SLIT3: variants seen among roughly 807,000 people sequenced by gnomAD.
The protein encoded by SLIT3 is slit guidance ligand 3.
Under a neutral mutation model 184.0 loss-of-function variants are expected in SLIT3, and 68 were observed. The ratio of observed to expected loss-of-function variants is 0.37; its 90% CI spans 0.30 to 0.45. The LOEUF is 0.45. Ranked by LOEUF, SLIT3 falls within the 20% of genes least tolerant of loss-of-function variation. SLIT3 has a pLI of 1.00. For synonymous variants in SLIT3, 831 were observed against 828.6 expected (o/e 1.00, Z -0.05); for missense variants, 1,707 against 2,026.0 (o/e 0.84, Z 3.02).
At chr5:169,023,321 C>T (rs945927967) in intron 4 of SLIT3, among the ~76,000 whole-genome samples, 1 of 152,016 alleles carries the variant, frequency 6.6e-6, no homozygotes, top group Admixed American at 6.6e-5. Context: ...TCCTCTGTTA[C>T]TTGAAAAATA....
intron 4 of SLIT3, among the ~76,000 whole-genome samples, chr5:169,172,363 C>T (rs1347924073): frequency 6.6e-6 from 1 of 152,186 alleles, no homozygotes; most frequent in East Asian, 1.9e-4. Context: ...TTTCTTAACA[C>T]CAGTCCTATA....
chr5:168,814,449 C>T (rs1358701168), intron 8 of SLIT3, among the ~76,000 whole-genome samples: 1 of 152,018 alleles, frequency 6.6e-6, no homozygotes, highest in Admixed American at 6.5e-5. Flanking sequence ...ATAGACAGGT[C>T]CATACAAAAC....
intron 4 of SLIT3, among the ~76,000 whole-genome samples, chr5:169,049,516 T>G (rs1202671833): frequency 1.3e-5 from 2 of 152,184 alleles, no homozygotes; most frequent in Non-Finnish European, 2.9e-5. Context: ...GACCAACCAG[T>G]GACAGCAGTG....
intron 3 of SLIT3, among the ~76,000 whole-genome samples, chr5:169,196,542 A>G (rs377597953): frequency 4.6e-5 from 7 of 152,204 alleles, no homozygotes; most frequent in East Asian, 3.9e-4. Flanking sequence ...CACAGGCAGG[A>G]TCATAACTGC....
chr5:168,855,113 C>A (rs1257615867), intron 5 of SLIT3, among the ~76,000 whole-genome samples: 1 of 152,140 alleles, frequency 6.6e-6, no homozygotes, highest in Non-Finnish European at 1.5e-5. Context: ...GTACCTGGCC[C>A]ACAGTGCCTG....
intron 4 of SLIT3, among the ~76,000 whole-genome samples, chr5:168,962,647 G>A (rs1054542876): frequency 1.3e-5 from 2 of 152,178 alleles, no homozygotes; most frequent in African/African-American, 4.8e-5. Context: ...GTCCCACTGA[G>A]GCCCCCCAGG....
intron 4 of SLIT3, among the ~76,000 whole-genome samples, chr5:169,000,209 T>C (rs1454608636): frequency 6.6e-6 from 1 of 151,838 alleles, no homozygotes; most frequent in Non-Finnish European, 1.5e-5. Flanking sequence ...CTGGCCAACA[T>C]GGTGAAACCT....
At chr5:169,293,073 C>A (rs898643671) in intron 1 of SLIT3, among the ~76,000 whole-genome samples, 1 of 152,162 alleles carries the variant, frequency 6.6e-6, no homozygotes, top group Non-Finnish European at 1.5e-5. Flanking sequence ...GGATGGAGTA[C>A]GAGGCCTATG....
chr5:169,098,855 C>T (rs905231904), intron 4 of SLIT3, among the ~76,000 whole-genome samples: 2 of 152,084 alleles, frequency 1.3e-5, no homozygotes, highest in Non-Finnish European at 2.9e-5. Flanking sequence ...CTTGAGAAGC[C>T]GGAGGAATTC....
chr5:169,044,967 A>C (rs1757578325), intron 4 of SLIT3, among the ~76,000 whole-genome samples: 1 of 152,176 alleles, frequency 6.6e-6, no homozygotes, highest in Admixed American at 6.5e-5. Flanking sequence ...CTCTCTGAAG[A>C]AGCAGCCTTC....
chr5:168,978,885 C>T (rs1248465545), intron 4 of SLIT3, among the ~76,000 whole-genome samples: 2 of 148,678 alleles, frequency 1.3e-5, no homozygotes, highest in Non-Finnish European at 3.0e-5. Flanking sequence ...GTGCTGTCAT[C>T]CACCTTAATG....
intron 4 of SLIT3, among the ~76,000 whole-genome samples, chr5:169,084,602 C>T (rs1581392234): frequency 6.6e-6 from 1 of 152,230 alleles, no homozygotes; most frequent in South Asian, 2.1e-4. Flanking sequence ...GCCACCGTGC[C>T]CAGCCTCAAA....
At chr5:168,923,985 G>A (rs767284933) in intron 4 of SLIT3, among the ~76,000 whole-genome samples, 5 of 152,208 alleles carry the variant, frequency 3.3e-5, no homozygotes, top group Non-Finnish European at 7.3e-5. Context: ...CAGCAGAATG[G>A]AATAGGGTCA....
chr5:168,921,965 C>T (rs936222547), intron 4 of SLIT3, among the ~76,000 whole-genome samples: 3 of 152,106 alleles, frequency 2.0e-5, no homozygotes, highest in Non-Finnish European at 4.4e-5. Context: ...ATTTATGGAA[C>T]ACCTGCCATA....
At chr5:168,900,131 A>C (rs139150434) in intron 4 of SLIT3, among the ~76,000 whole-genome samples, 14 of 152,348 alleles carry the variant, frequency 9.2e-5, no homozygotes, top group African/African-American at 3.4e-4. Flanking sequence ...AAAAGTCAAA[A>C]AATAACAGAT....
intron 12 of SLIT3, among the ~76,000 whole-genome samples, chr5:168,777,813 A>T (rs1158115204): frequency 6.6e-6 from 1 of 152,164 alleles, no homozygotes; most frequent in African/African-American, 2.4e-5. Context: ...CATCAGCAAG[A>T]TCTAACAGCC....
intron 4 of SLIT3, among the ~76,000 whole-genome samples, chr5:168,900,869 T>C (rs2113827141): frequency 6.6e-6 from 1 of 152,208 alleles, no homozygotes; most frequent in African/African-American, 2.4e-5. Context: ...CATGGACAAA[T>C]TTCACAGGTT....
At chr5:168,764,190 A>C (rs372813509) in intron 14 of SLIT3, among the ~76,000 whole-genome samples, 7 of 152,276 alleles carry the variant, frequency 4.6e-5, no homozygotes, top group East Asian at 3.9e-4. Context: ...CTTTTTTTCT[A>C]CAACCTGGCA....
intron 4 of SLIT3, among the ~76,000 whole-genome samples, chr5:169,005,596 A>G (rs1254278499): frequency 6.6e-6 from 1 of 152,236 alleles, no homozygotes; most frequent in Non-Finnish European, 1.5e-5. Context: ...TTTGCAAATG[A>G]CACTCATGAT....
Sources: allele counts gnomAD v4.1 joint callset (sites outside exome capture counted in the v4.1 genomes callset), GRCh38; gene constraint gnomAD v4.1.1; transcripts MANE v1.5; gene names NCBI Gene and HGNC (gene_info 2026-07-23, HGNC 2026-07-21).